The following CSGALNACT1 variants were observed in gnomAD, a reference collection of about 807,000 sequenced individuals.
CSGALNACT1 encodes chondroitin sulfate N-acetylgalactosaminyltransferase 1.
In CSGALNACT1, 52 loss-of-function variants were observed where a neutral mutation model predicts 51.0. The ratio of observed to expected loss-of-function variants is 1.02; its 90% CI spans 0.82 to 1.29. The LOEUF is 1.29. Ranked by LOEUF, CSGALNACT1 falls within the 50% of genes most tolerant of loss-of-function variation. CSGALNACT1 has a pLI of 0.00. For missense variants in CSGALNACT1, 935 were observed against 679.2 expected, an observed-to-expected ratio of 1.38 and a Z score of -4.19; for synonymous variants, 341 against 254.4, an observed-to-expected ratio of 1.34 and a Z score of -3.24.
intron 3 of CSGALNACT1, among the ~76,000 whole-genome samples, chr8:19,544,650 C>T (rs2086054860): frequency 6.6e-6 from 1 of 152,086 alleles, no homozygotes. Context: ...TGTTATAATT[C>T]TTAAAGTAAT....
chr8:19,580,601 G>T (rs2045352816), intron 3 of CSGALNACT1, among the ~76,000 whole-genome samples: 2 of 152,142 alleles, frequency 1.3e-5, no homozygotes, highest in Admixed American at 6.5e-5. Context: ...AGCATCCAGA[G>T]AGCCTAAAAA....
intron 3 of CSGALNACT1, among the ~76,000 whole-genome samples, chr8:19,558,581 T>C (rs574206173): frequency 2.6e-4 from 39 of 152,334 alleles, no homozygotes; most frequent in African/African-American, 8.9e-4. Flanking sequence ...TTTTATATCA[T>C]GTGGGTTTAA....
intron 3 of CSGALNACT1, among the ~76,000 whole-genome samples, chr8:19,571,476 A>C (rs546511333): frequency 5.3e-5 from 8 of 151,832 alleles, no homozygotes; most frequent in East Asian, 3.9e-4. Flanking sequence ...ACAAAAACAA[A>C]AAAAAAAAAC....
chr8:19,747,498 T>C (rs2154252176), intron 1 of CSGALNACT1, among the ~76,000 whole-genome samples: 1 of 152,328 alleles, frequency 6.6e-6, no homozygotes, highest in South Asian at 2.1e-4. Context: ...TCAGGATTTT[T>C]AGTTACTTAA....
chr8:19,518,026 C>T (rs56672726), intron 3 of CSGALNACT1, among the ~76,000 whole-genome samples: 1 of 152,058 alleles, frequency 6.6e-6, no homozygotes, highest in Non-Finnish European at 1.5e-5. Context: ...AAGTAAGCAC[C>T]TGGAGAGATC....
chr8:19,594,160 G>A (rs916318265), intron 2 of CSGALNACT1, among the ~76,000 whole-genome samples: 7 of 152,262 alleles, frequency 4.6e-5, no homozygotes, highest in Non-Finnish European at 7.4e-5. Context: ...GAAAGAGAAT[G>A]AGAAGAACAG....
chr8:19,726,459 G>A (rs2154242931), intron 1 of CSGALNACT1, among the ~76,000 whole-genome samples: 1 of 151,902 alleles, frequency 6.6e-6, no homozygotes, highest in Non-Finnish European at 1.5e-5. Flanking sequence ...CCTTTGTATA[G>A]CTGACAAAAA....
At chr8:19,606,350 G>T (rs1295289116), upstream of CSGALNACT1, among the ~76,000 whole-genome samples, 1 of 152,180 alleles carries the variant, frequency 6.6e-6, no homozygotes, top group African/African-American at 2.4e-5. Flanking sequence ...GGATAGAGCA[G>T]GGATAGGGTC....
At chr8:19,433,098 G>A (rs2059884867) in intron 6 of CSGALNACT1, among the ~76,000 whole-genome samples, 1 of 152,048 alleles carries the variant, frequency 6.6e-6, no homozygotes, top group Non-Finnish European at 1.5e-5. Context: ...TGTTTGTTTA[G>A]TGACTTTTCT....
intron 1 of CSGALNACT1, among the ~76,000 whole-genome samples, chr8:19,681,099 C>A (rs1284410539): frequency 6.6e-6 from 1 of 152,062 alleles, no homozygotes; most frequent in Non-Finnish European, 1.5e-5. Context: ...TGGAACCAAT[C>A]CCCTGAAGAT....
intron 1 of CSGALNACT1, among the ~76,000 whole-genome samples, chr8:19,694,561 C>T (rs754511570): frequency 2.2e-4 from 34 of 152,236 alleles, no homozygotes; most frequent in Non-Finnish European, 8.8e-5. Context: ...TTTCCTAAGC[C>T]TACACACACT....
At chr8:19,666,975 G>GAA (rs2059338399) in intron 1 of CSGALNACT1, among the ~76,000 whole-genome samples, 4 of 11,046 alleles carry the variant, frequency 3.6e-4, no homozygotes, top group Admixed American at 1.4e-3. Context: ...AAGAAAGAAA[G>GAA]AAAGAAAGAA....
At chr8:19,724,907 G>C (rs2063312647) in intron 1 of CSGALNACT1, among the ~76,000 whole-genome samples, 1 of 152,098 alleles carries the variant, frequency 6.6e-6, no homozygotes, top group African/African-American at 2.4e-5. Context: ...TTCTTTGGCT[G>C]GTGATGGATG....
intron 1 of CSGALNACT1, among the ~76,000 whole-genome samples, chr8:19,747,986 C>T (rs1298249905): frequency 6.6e-6 from 1 of 152,040 alleles, no homozygotes; most frequent in African/African-American, 2.4e-5. Flanking sequence ...TAGGTATATC[C>T]AAAGAAATAT....
At position 19,749,595 on chromosome 8, in the gene CSGALNACT1, T is replaced by C. The variant is rs535407982; in HGVS notation, c.-297+8255A>G. ...AGGCGGCTCAGTATCATAAAACCAC[T>C]TGGAACATCTCTCTAAAGACCATCC... is the stretch of plus-strand genomic sequence containing the variant. On this transcript the variant is annotated intron_variant, in intron 1 of 1. Coordinates refer to the CSGALNACT1 transcript ENST00000517494. 2.0e-5 allele frequency among the ~76,000 whole-genome samples: 3 copies of C among 152,246 alleles called. No homozygotes were observed. The South Asian group carries it at 6.2e-4, about 32-fold the overall frequency.
At chr8:19,411,132 T>C (rs1290515700) in intron 8 of CSGALNACT1, among the ~76,000 whole-genome samples, 2 of 152,092 alleles carry the variant, frequency 1.3e-5, no homozygotes, top group East Asian at 3.9e-4. Context: ...CCTGCCTGGG[T>C]CACCCTTTCC....
chr8:19,660,399 A>G (rs998486102), intron 1 of CSGALNACT1, among the ~76,000 whole-genome samples: 2 of 152,188 alleles, frequency 1.3e-5, no homozygotes, highest in Non-Finnish European at 2.9e-5. Flanking sequence ...GGGGATAATT[A>G]TACCTTCTGT....
At chr8:19,638,921 A>C (rs1465556265) in intron 1 of CSGALNACT1, among the ~76,000 whole-genome samples, 1 of 152,004 alleles carries the variant, frequency 6.6e-6, no homozygotes, top group Non-Finnish European at 1.5e-5. Flanking sequence ...AGGTCAGTTA[A>C]AACTACCACA....
At chr8:19,664,925 G>T (rs1271486915) in intron 1 of CSGALNACT1, among the ~76,000 whole-genome samples, 1 of 152,158 alleles carries the variant, frequency 6.6e-6, no homozygotes, top group Non-Finnish European at 1.5e-5. Context: ...ATTACGTAAT[G>T]GGTACAATGT....
Sources: gnomAD v4.1 joint callset for allele counts (sites outside exome capture counted in the v4.1 genomes callset) on GRCh38, gnomAD v4.1.1 for gene constraint, MANE v1.5 for transcripts, NCBI Gene and HGNC (gene_info 2026-07-23, HGNC 2026-07-21) for gene names.